The following PCDH9 variants were observed in gnomAD, a reference collection of about 807,000 sequenced individuals.
PCDH9 encodes protocadherin 9.
In PCDH9, 24 loss-of-function variants were observed where a neutral mutation model predicts 70.6. The ratio of observed to expected loss-of-function variants is 0.34; its 90% CI spans 0.25 to 0.48. The LOEUF is 0.48. Among genes scored for constraint, PCDH9 ranks in the 20% least tolerant of loss-of-function variants. The probability of loss-of-function intolerance (pLI) is 0.99; values close to 1 mark genes in which losing one functional copy is unlikely to be tolerated. For missense variants in PCDH9, 1,281 were observed against 1,503.6 expected (o/e 0.85, Z 2.45); for synonymous variants, 562 against 558.5 (o/e 1.01, Z -0.09).
At chr13:66,895,036 G>A (rs1173263187) in intron 3 of PCDH9, among the ~76,000 whole-genome samples, 1 of 152,058 alleles carries the variant, frequency 6.6e-6, no homozygotes, top group African/African-American at 2.4e-5. Context: ...TCAAACTCCT[G>A]ACCTCAAGTG....
chr13:67,228,639 A>G (rs2089941317), intron 1 of PCDH9, 64 bp from the exon 2 acceptor site: 2 of 426,336 alleles, frequency 4.7e-6, no homozygotes, highest in South Asian at 1.7e-4. Context: ...GTCACAAAAT[A>G]TCACCACACA....
At chr13:66,377,437 G>A (rs2138232367) in intron 4 of PCDH9, among the ~76,000 whole-genome samples, 1 of 151,878 alleles carries the variant, frequency 6.6e-6, no homozygotes, top group African/African-American at 2.4e-5. Flanking sequence ...TTTGGGATAT[G>A]AAAACACAAA....
chr13:66,785,244 C>G (rs1445867865), intron 3 of PCDH9, among the ~76,000 whole-genome samples: 1 of 151,694 alleles, frequency 6.6e-6, no homozygotes, highest in Non-Finnish European at 1.5e-5. Flanking sequence ...CTAAAATAAG[C>G]CATAATAAAA....
At chr13:66,868,380 T>C (rs2081612358) in intron 3 of PCDH9, among the ~76,000 whole-genome samples, 1 of 152,090 alleles carries the variant, frequency 6.6e-6, no homozygotes, top group African/African-American at 2.4e-5. Flanking sequence ...GAAGATAATA[T>C]ACAATTATAA....
At chr13:67,127,701 T>TGC (rs56371885) in intron 2 of PCDH9, among the ~76,000 whole-genome samples, 4 of 150,870 alleles carry the variant, frequency 2.7e-5, no homozygotes, top group African/African-American at 9.8e-5. Flanking sequence ...TGTGTGTGTG[T>TGC]ATGTGTGTGT....
intron 2 of PCDH9, chr13:67,207,088 G>C (rs1175901561): frequency 6.7e-6 from 1 of 148,630 alleles, no homozygotes; most frequent in East Asian, 2.0e-4. Flanking sequence ...CATGTCTCAG[G>C]AATAGTTCTG....
chr13:66,945,338 C>A (rs1022485490), intron 2 of PCDH9, among the ~76,000 whole-genome samples: 20 of 152,032 alleles, frequency 1.3e-4, no homozygotes, highest in African/African-American at 4.8e-4. Context: ...GATCATCTGG[C>A]CCTTCTTTGA....
At chr13:66,885,725 T>C (rs759890684) in intron 3 of PCDH9, among the ~76,000 whole-genome samples, 1 of 152,104 alleles carries the variant, frequency 6.6e-6, no homozygotes, top group African/African-American at 2.4e-5. Context: ...TTCTCCTCTA[T>C]ATTTATTTTG....
At chr13:66,646,285 A>G (rs755865623) in intron 3 of PCDH9, among the ~76,000 whole-genome samples, 1 of 152,226 alleles carries the variant, frequency 6.6e-6, no homozygotes, top group Non-Finnish European at 1.5e-5. Flanking sequence ...GTATCCTGAT[A>G]CACTTCCATT....
intron 2 of PCDH9, among the ~76,000 whole-genome samples, chr13:67,037,256 T>C (rs913716720): frequency 6.6e-5 from 10 of 152,190 alleles, no homozygotes; most frequent in Admixed American, 6.5e-4. Context: ...AACTGTTCTT[T>C]ATCAGTGTTA....
At chr13:66,628,597 C>T (rs181497415) in intron 4 of PCDH9, among the ~76,000 whole-genome samples, 2 of 152,296 alleles carry the variant, frequency 1.3e-5, no homozygotes, top group Admixed American at 1.3e-4. Flanking sequence ...GACTCCTGGT[C>T]TCAAGTGAAC....
chr13:67,171,562 A>C (rs751371403), intron 2 of PCDH9, among the ~76,000 whole-genome samples: 3 of 152,196 alleles, frequency 2.0e-5, no homozygotes, highest in Non-Finnish European at 4.4e-5. Flanking sequence ...ACTCAGGCAA[A>C]ATTGTGACTG....
At position 66,890,240 on chromosome 13, in the gene PCDH9, C is replaced by A. The variant is rs59739347; in HGVS notation, c.3138+13264G>T. ...TTATTCTACTGCTCTTGTTCTCTGA[C>A]AATAATGACATCTTTCCTAGCTACA... On this transcript the variant is annotated intron_variant, in intron 3 of 4. Coordinates refer to ENST00000377865, the MANE Select transcript of PCDH9 (RefSeq NM_203487.3). Among the ~76,000 whole-genome samples, 1,222 of 152,166 alleles carry A rather than the reference C, an allele frequency of 8.0e-3. 16 individuals carry two copies. The highest frequency in any genetic ancestry group is 0.027 in the African/African-American group (1,139 of 41,536).
In PCDH9 at chr13:66,333,515, T is replaced by TA. The variant is rs150862940; in HGVS notation, c.3341-28488dup. Among the ~76,000 whole-genome samples, 1,371 of 152,276 alleles carry TA rather than the reference T, an allele frequency of 9.0e-3. 22 individuals carry two copies. The highest frequency in any genetic ancestry group is 0.031 in the African/African-American group (1,284 of 41,550). Reference sequence around the variant, plus strand: ...AAGGACCAGCTACCTCTGTGAAGGATAAAAATTACTTTAGATAGAAATTTT... The same window carrying TA: ...AAGGACCAGCTACCTCTGTGAAGGATAAAAAATTACTTTAGATAGAAATTTT... On this transcript the variant is annotated intron_variant, in intron 4 of 4. Coordinates refer to ENST00000377865, the MANE Select transcript of PCDH9 (RefSeq NM_203487.3).
intron 4 of PCDH9, among the ~76,000 whole-genome samples, chr13:66,542,202 C>T (rs1566403775): frequency 6.6e-6 from 1 of 151,988 alleles, no homozygotes; most frequent in South Asian, 2.1e-4. Flanking sequence ...AAATATCCAA[C>T]GGAATATTTC....
intron 4 of PCDH9, among the ~76,000 whole-genome samples, chr13:66,569,978 C>A (rs897113329): frequency 6.6e-6 from 1 of 152,092 alleles, no homozygotes; most frequent in African/African-American, 2.4e-5. Context: ...TAAATAGCAG[C>A]TTTATTCCTA....
intron 3 of PCDH9, among the ~76,000 whole-genome samples, chr13:66,765,568 G>T (rs2079702659): frequency 6.6e-6 from 1 of 151,986 alleles, no homozygotes; most frequent in East Asian, 1.9e-4. Context: ...GTTCTTCATG[G>T]TTATTCACAG....
intron 2 of PCDH9, among the ~76,000 whole-genome samples, chr13:67,091,692 A>C: frequency 6.6e-6 from 1 of 152,260 alleles, no homozygotes; most frequent in Non-Finnish European, 1.5e-5. Context: ...ATACCAATGT[A>C]ATCATTAGAC....
intron 4 of PCDH9, among the ~76,000 whole-genome samples, chr13:66,487,303 A>T (rs1004266084): frequency 6.6e-6 from 1 of 152,204 alleles, no homozygotes; most frequent in African/African-American, 2.4e-5. Flanking sequence ...TATATAGGTG[A>T]CATGCAATAA....
Sources: allele counts gnomAD v4.1 joint callset (sites outside exome capture counted in the v4.1 genomes callset), GRCh38; gene constraint gnomAD v4.1.1; transcripts MANE v1.5; gene names NCBI Gene and HGNC (gene_info 2026-07-23, HGNC 2026-07-21).